Variants in EED observed in about 807,000 individuals in gnomAD.
EED encodes embryonic ectoderm development.
EED carries 9 observed loss-of-function variants against 61.0 expected under a neutral mutation model. The ratio of observed to expected loss-of-function variants is 0.15; its 90% CI spans 0.09 to 0.26. The LOEUF (loss-of-function observed/expected upper bound fraction) is 0.26. EED is among the 10% of genes least tolerant of loss of function. The pLI is 1.00. For synonymous variants in EED, 187 were observed against 174.4 expected (o/e 1.07, Z -0.57); for missense variants, 315 against 542.3 (o/e 0.58, Z 4.16).
At chr11:86,270,238 G>T in intron 9 of EED, 1 of 567,648 alleles carries the variant, frequency 1.8e-6, no homozygotes. Context: ...GCATTTCCCT[G>T]ATGGCTAGTG....
the EED span, among the ~76,000 whole-genome samples, chr11:86,286,413 G>A: frequency 6.6e-6 from 1 of 152,082 alleles, no homozygotes; most frequent in Non-Finnish European, 1.5e-5. Flanking sequence ...AATAAGAGGT[G>A]GCTTTGAGTA....
intron 6 of EED, among the ~76,000 whole-genome samples, chr11:86,262,016 C>A (rs746962936): frequency 4.6e-5 from 7 of 152,162 alleles, no homozygotes; most frequent in Non-Finnish European, 8.8e-5. Context: ...TTAGCTACAT[C>A]CTTAATATTC....
intron 9 of EED, among the ~76,000 whole-genome samples, chr11:86,274,690 G>GC (rs1453838125): frequency 6.6e-5 from 10 of 152,142 alleles, no homozygotes; most frequent in East Asian, 5.8e-4. Flanking sequence ...CCTAATTACT[G>GC]CCCCCCCTAG....
intron 6 of EED, among the ~76,000 whole-genome samples, chr11:86,258,554 G>GT (rs768325009): frequency 3.5e-5 from 5 of 143,660 alleles, no homozygotes; most frequent in East Asian, 2.0e-4. Context: ...TTTGTTTTTT[G>GT]GTTTTTTTTT....
intron 1 of EED, among the ~76,000 whole-genome samples, chr11:86,245,832 G>GT: frequency 6.6e-6 from 1 of 152,274 alleles, no homozygotes; most frequent in African/African-American, 2.4e-5. Flanking sequence ...ATTAAAGGGG[G>GT]TTTTGTGTCC....
chr11:86,256,537 G>T (rs776070197), intron 5 of EED, 25 bp downstream of exon 5: 21 of 1,534,384 alleles, frequency 1.4e-5, no homozygotes, highest in Non-Finnish European at 1.9e-5. Flanking sequence ...TTAAATTGTA[G>T]ATCTGCTTCT....
chr11:86,262,118 A>G (rs1593746209), intron 6 of EED, among the ~76,000 whole-genome samples: 1 of 151,918 alleles, frequency 6.6e-6, no homozygotes. Flanking sequence ...CTGGGCTCAA[A>G]TGATCCTTCC....
At chr11:86,286,320 C>T in the EED span, among the ~76,000 whole-genome samples, 5 of 151,852 alleles carry the variant, frequency 3.3e-5, no homozygotes, top group Non-Finnish European at 5.9e-5. Flanking sequence ...GGATTACAGG[C>T]GTGAGCCACT....
chr11:86,255,324 G>A (rs772925521), intron 4 of EED, 37 bp downstream of exon 4: 2 of 1,523,198 alleles, frequency 1.3e-6, no homozygotes, highest in Admixed American at 1.9e-5. Flanking sequence ...TTTAGTCAAA[G>A]GAATTTATTT....
intron 1 of EED, among the ~76,000 whole-genome samples, 168 bp downstream of exon 1, chr11:86,245,511 T>G (rs1945371647): frequency 6.6e-6 from 1 of 151,520 alleles, no homozygotes; most frequent in Non-Finnish European, 1.5e-5. Context: ...GATTTTGATG[T>G]GGGGCCGAGA....
At chr11:86,246,510 A>G (rs1424925595) in intron 1 of EED, among the ~76,000 whole-genome samples, 1 of 152,148 alleles carries the variant, frequency 6.6e-6, no homozygotes, top group Non-Finnish European at 1.5e-5. Context: ...TTCACGGAAA[A>G]GATGGGAAAG....
intron 9 of EED, among the ~76,000 whole-genome samples, chr11:86,275,709 G>GCA (rs1946212018): frequency 1.3e-5 from 2 of 152,166 alleles, no homozygotes; most frequent in African/African-American, 4.8e-5. Context: ...TAGGGGCTGA[G>GCA]AGACTCTGAA....
intron 6 of EED, among the ~76,000 whole-genome samples, chr11:86,263,068 A>C (rs1945877274): frequency 6.6e-6 from 1 of 152,048 alleles, no homozygotes; most frequent in South Asian, 2.1e-4. Flanking sequence ...TCAATCTCAA[A>C]GTGCTGGGAT....
chr11:86,257,003 C>G (rs118137943), intron 5 of EED, among the ~76,000 whole-genome samples: 1 of 151,968 alleles, frequency 6.6e-6, no homozygotes, highest in African/African-American at 2.4e-5. Context: ...TCCGCTAATC[C>G]GATCAGAATA....
At chr11:86,277,761 T>C in intron 10 of EED, 157 bp from the exon 11 acceptor site, 1 of 509,664 alleles carries the variant, frequency 2.0e-6, no homozygotes, top group Non-Finnish European at 3.1e-6. Context: ...TTATTCATAT[T>C]TACGAATCAG....
At chr11:86,283,105 T>G (rs78933187), downstream of EED, among the ~76,000 whole-genome samples, 4,744 of 152,196 alleles carry the variant, frequency 0.031, 238 homozygotes, top group African/African-American at 0.11. Context: ...AGCCATAGTT[T>G]GATAACCCCT....
intron 6 of EED, among the ~76,000 whole-genome samples, chr11:86,257,917 C>T (rs1337660100): frequency 1.3e-5 from 2 of 152,144 alleles, no homozygotes; most frequent in Non-Finnish European, 2.9e-5. Context: ...CTCTGTCTTT[C>T]CTTTACGTCT....
chr11:86,268,848 A>G (rs990221972), intron 9 of EED, among the ~76,000 whole-genome samples: 1 of 152,186 alleles, frequency 6.6e-6, no homozygotes, highest in Non-Finnish European at 1.5e-5. Context: ...TATTGTTACA[A>G]GATAACCAGT....
At chr11:86,268,431 T>G in intron 8 of EED, 25 bp from the exon 9 acceptor site, 1 of 1,464,740 alleles carries the variant, frequency 6.8e-7, no homozygotes, top group African/African-American at 1.4e-5. Flanking sequence ...TCTTTTAACT[T>G]TTTACATTTC....
Sources: allele counts gnomAD v4.1 joint callset (sites outside exome capture counted in the v4.1 genomes callset), GRCh38; gene constraint gnomAD v4.1.1; transcripts MANE v1.5; gene names NCBI Gene and HGNC (gene_info 2026-07-23, HGNC 2026-07-21).